VEPH1: variants seen among roughly 807,000 people sequenced by gnomAD.
The protein encoded by VEPH1 is ventricular zone expressed PH domain containing 1.
VEPH1 carries 80 observed loss-of-function variants against 85.2 expected under a neutral mutation model. The ratio of observed to expected loss-of-function variants is 0.94; its 90% CI spans 0.78 to 1.13. The LOEUF is 1.13. Among genes scored for constraint, VEPH1 ranks in the 50% most tolerant of loss-of-function variants. VEPH1 has a pLI of 0.00. For synonymous variants in VEPH1, 297 were observed against 348.0 expected (o/e 0.85, Z 1.63); for missense variants, 955 against 980.5 (o/e 0.97, Z 0.35).
At position 157,310,700 on chromosome 3, in the gene VEPH1, C is replaced by T. The variant is rs565061426; in HGVS notation, c.2010+2921G>A. Among the ~76,000 whole-genome samples the T allele has an allele frequency of 2.0e-4, 31 of 152,336 alleles. 1 individual carries two copies. The highest frequency in any genetic ancestry group is 2.0e-3 in the Admixed American group (31 of 15,304). ...GTGGCTCAGAATTCCAGGCTGTTTTCATCTTCTGGCAACTCAATTTCAACT... is the reference window on the plus strand; with the variant it reads ...GTGGCTCAGAATTCCAGGCTGTTTTTATCTTCTGGCAACTCAATTTCAACT... On this transcript the variant is annotated intron_variant, in intron 11 of 13. Coordinates refer to ENST00000362010, the MANE Select transcript of VEPH1 (RefSeq NM_001167912.2).
At chr3:157,305,210 C>T (rs1341116946) in intron 11 of VEPH1, among the ~76,000 whole-genome samples, 7 of 146,548 alleles carry the variant, frequency 4.8e-5, no homozygotes, top group East Asian at 4.0e-4. Context: ...CCCGGGTTCA[C>T]GCCATTCTCC....
rs189960162 is a variant in VEPH1 at position 157,287,620 on chromosome 3, A to G, written c.2011-946T>C. Among the ~76,000 whole-genome samples the G allele has an allele frequency of 7.2e-3, 1,091 of 151,874 alleles. 18 individuals are homozygous for G. The highest frequency in any genetic ancestry group is 0.022 in the African/African-American group (932 of 41,424). On this transcript the variant is annotated intron_variant, in intron 11 of 13. Coordinates refer to ENST00000362010, the MANE Select transcript of VEPH1 (RefSeq NM_001167912.2). The stretch of plus-strand genomic sequence containing the variant: ...CACTCTGTTGTCCAGGTTGGAGTGC[A>G]GTGGTGTGATCTTGGCTTACTGCAA...
chr3:157,389,204 G>T (rs1729600108), intron 6 of VEPH1, among the ~76,000 whole-genome samples: 1 of 152,110 alleles, frequency 6.6e-6, no homozygotes, highest in Admixed American at 6.6e-5. Context: ...GGTAATTTAT[G>T]CCTGAACAAA....
At chr3:157,316,600 T>C (rs553366527) in intron 10 of VEPH1, among the ~76,000 whole-genome samples, 2 of 151,600 alleles carry the variant, frequency 1.3e-5, no homozygotes, top group African/African-American at 4.8e-5. Context: ...TCTCAAGTTG[T>C]AAGTTGCTCT....
intron 6 of VEPH1, among the ~76,000 whole-genome samples, chr3:157,387,994 T>C (rs1284569377): frequency 6.6e-6 from 1 of 152,288 alleles, no homozygotes; most frequent in East Asian, 1.9e-4. Flanking sequence ...TTTATCACTT[T>C]ACAAATGTAA....
chr3:157,463,201 C>T (rs577109281), intron 3 of VEPH1, among the ~76,000 whole-genome samples: 2 of 152,324 alleles, frequency 1.3e-5, no homozygotes, highest in South Asian at 4.1e-4. Flanking sequence ...GAAACAAAAA[C>T]AGAACTGATA....
intron 4 of VEPH1, among the ~76,000 whole-genome samples, chr3:157,436,622 G>C (rs917544734): frequency 4.6e-5 from 7 of 152,156 alleles, no homozygotes; most frequent in Non-Finnish European, 4.4e-5. Context: ...TAGAAGCCCA[G>C]TTTCTCTCCT....
intron 2 of VEPH1, among the ~76,000 whole-genome samples, chr3:157,476,814 A>G (rs1737516354): frequency 1.3e-5 from 2 of 152,216 alleles, no homozygotes; most frequent in South Asian, 4.1e-4. Flanking sequence ...GGCTGCTGTT[A>G]CACAATGGAG....
At chr3:157,425,726 G>A (rs1360137130) in intron 5 of VEPH1, among the ~76,000 whole-genome samples, 1 of 152,154 alleles carries the variant, frequency 6.6e-6, no homozygotes, top group Non-Finnish European at 1.5e-5. Flanking sequence ...GGATTTTTGT[G>A]TTAATGCTGA....
intron 2 of VEPH1, among the ~76,000 whole-genome samples, chr3:157,477,302 C>T (rs12485456): frequency 0.65 from 98,210 of 151,752 alleles, 32,403 homozygotes; most frequent in African/African-American, 0.78. Context: ...TTTTATCATT[C>T]CCTCTCTTTC....
At chr3:157,378,010 C>A (rs1417209365) in intron 7 of VEPH1, among the ~76,000 whole-genome samples, 12 of 151,980 alleles carry the variant, frequency 7.9e-5, no homozygotes, top group African/African-American at 2.4e-4. Flanking sequence ...AATAGGTGAG[C>A]ACTGGCCAGG....
intron 2 of VEPH1, among the ~76,000 whole-genome samples, chr3:157,472,870 T>C (rs2109490352): frequency 6.6e-6 from 1 of 152,244 alleles, no homozygotes; most frequent in South Asian, 2.1e-4. Context: ...GGTTGTGTAA[T>C]ATTCCATGCT....
At chr3:157,488,503 C>CTTTTTTTTT (rs368748738) in intron 2 of VEPH1, among the ~76,000 whole-genome samples, 2 of 134,212 alleles carry the variant, frequency 1.5e-5, no homozygotes, top group African/African-American at 2.9e-5. Context: ...TTCTTTCTTT[C>CTTTTTTTTT]TTTCTTTTTT....
chr3:157,308,705 T>A (rs1291283331), intron 11 of VEPH1, among the ~76,000 whole-genome samples: 1 of 152,098 alleles, frequency 6.6e-6, no homozygotes, highest in Non-Finnish European at 1.5e-5. Flanking sequence ...CTAATTAACT[T>A]AGGAAGTATT....
intron 11 of VEPH1, among the ~76,000 whole-genome samples, chr3:157,293,225 G>A (rs1034787733): frequency 3.3e-5 from 5 of 152,140 alleles, no homozygotes; most frequent in African/African-American, 9.7e-5. Context: ...TCTAAGCAGA[G>A]GCAGCAGGGC....
intron 7 of VEPH1, among the ~76,000 whole-genome samples, chr3:157,374,368 C>A (rs139745714): frequency 5.6e-4 from 85 of 152,316 alleles, no homozygotes; most frequent in African/African-American, 1.9e-3. Flanking sequence ...AAGCAGGGGG[C>A]AATGCTGACC....
At chr3:157,433,583 A>C (rs932096177) in intron 4 of VEPH1, among the ~76,000 whole-genome samples, 11 of 152,178 alleles carry the variant, frequency 7.2e-5, no homozygotes, top group African/African-American at 2.7e-4. Flanking sequence ...TTTTATGCAC[A>C]TTGCTGTGCA....
At chr3:157,361,989 C>T (rs1231405721) in intron 9 of VEPH1, among the ~76,000 whole-genome samples, 1 of 152,024 alleles carries the variant, frequency 6.6e-6, no homozygotes, top group East Asian at 1.9e-4. Context: ...TGTTACTGAT[C>T]TTGCTGTCAC....
intron 4 of VEPH1, chr3:157,437,010 T>G (rs781480848): frequency 1.9e-6 from 3 of 1,614,084 alleles, no homozygotes; most frequent in Non-Finnish European, 2.5e-6. Flanking sequence ...TATGATCTCA[T>G]GTATGTGAAT....
Sources: gnomAD v4.1 joint callset for allele counts (sites outside exome capture counted in the v4.1 genomes callset) on GRCh38, gnomAD v4.1.1 for gene constraint, MANE v1.5 for transcripts, NCBI Gene and HGNC (gene_info 2026-07-23, HGNC 2026-07-21) for gene names.